JAKMIP3: variants seen among roughly 807,000 people sequenced by gnomAD.
The protein encoded by JAKMIP3 is Janus kinase and microtubule interacting protein 3.
JAKMIP3 carries 58 observed loss-of-function variants against 118.5 expected under a neutral mutation model. The observed-to-expected ratio is 0.49, with a 90% CI of 0.40 to 0.61. The LOEUF is 0.61. Ranked by LOEUF, JAKMIP3 falls within the 20% of genes least tolerant of loss-of-function variation. JAKMIP3 has a pLI of 0.00. For missense variants in JAKMIP3, 950 were observed against 1,109.0 expected (o/e 0.86, Z 2.04); for synonymous variants, 486 against 451.2 (o/e 1.08, Z -0.98).
At chr10:132,050,747 G>A (rs2038075444) in intron 1 of JAKMIP3, among the ~76,000 whole-genome samples, 1 of 152,210 alleles carries the variant, frequency 6.6e-6, no homozygotes, top group African/African-American at 2.4e-5. Flanking sequence ...GAACCACTGG[G>A]TTGTAAGGTA....
chr10:132,057,603 G>T (rs1025708947), intron 1 of JAKMIP3, among the ~76,000 whole-genome samples: 3 of 152,236 alleles, frequency 2.0e-5, no homozygotes, highest in Non-Finnish European at 4.4e-5. Context: ...CGAGGCTGGC[G>T]ATTCCTGTCG....
intron 1 of JAKMIP3, among the ~76,000 whole-genome samples, chr10:132,089,346 A>G (rs569292419): frequency 1.1e-3 from 168 of 152,258 alleles, no homozygotes; most frequent in Non-Finnish European, 1.9e-3. Flanking sequence ...ATGAGCATGG[A>G]ATGTTTTTCC....
At chr10:132,097,926 T>TTTTC (rs1296673121) in intron 1 of JAKMIP3, among the ~76,000 whole-genome samples, 1,322 of 20,794 alleles carry the variant, frequency 0.064, 309 homozygotes, top group East Asian at 0.16. Context: ...TCCCCTTTCC[T>TTTTC]TCCCCTTCCC....
intron 1 of JAKMIP3, among the ~76,000 whole-genome samples, chr10:132,067,310 G>A (rs938951322): frequency 3.3e-5 from 5 of 152,076 alleles, no homozygotes; most frequent in African/African-American, 7.2e-5. Context: ...TGCTATTCCC[G>A]AGGTTTCCCT....
intron 1 of JAKMIP3, among the ~76,000 whole-genome samples, chr10:132,046,369 T>C (rs969636292): frequency 3.3e-5 from 5 of 151,696 alleles, no homozygotes; most frequent in Admixed American, 6.6e-5. Context: ...GGCAGCAGAA[T>C]GGCATGAACT....
At chr10:132,167,802 TCCTCACCCCTCACC>T (rs142409814) in intron 22 of JAKMIP3, among the ~76,000 whole-genome samples, 137 bp from the exon 23 acceptor site, 9 of 148,348 alleles carry the variant, frequency 6.1e-5, no homozygotes, top group Admixed American at 1.3e-4. Flanking sequence ...AGCCCTTCGG[TCCTCACCCCTCACC>T]CCTCGGCCCT....
At chr10:132,036,981 C>G (rs1169746277) in intron 1 of JAKMIP3, among the ~76,000 whole-genome samples, 1 of 152,136 alleles carries the variant, frequency 6.6e-6, no homozygotes, top group Non-Finnish European at 1.5e-5. Flanking sequence ...GGCCTCGGCG[C>G]TGGCGTGACG....
At chr10:132,039,604 A>G (rs1335502266) in intron 1 of JAKMIP3, among the ~76,000 whole-genome samples, 2 of 152,146 alleles carry the variant, frequency 1.3e-5, no homozygotes, top group Non-Finnish European at 2.9e-5. Flanking sequence ...GAGGTCTCTT[A>G]GTACAGCAGC....
At chr10:132,077,192 A>T (rs57033008) in intron 1 of JAKMIP3, among the ~76,000 whole-genome samples, 17,792 of 151,912 alleles carry the variant, frequency 0.12, 1,140 homozygotes, top group Middle Eastern at 0.19. Context: ...GAAGGGGTAG[A>T]TCCAGGAAGA....
In JAKMIP3 at chr10:132,180,638, C is replaced by G. The variant is rs868134654; in HGVS notation, c.*1104-1719C>G. On this transcript the variant is annotated intron_variant, in intron 23 of 23. Coordinates refer to ENST00000684848, the MANE Select transcript of JAKMIP3 (RefSeq NM_001323087.2). ...GTGCGTGTGTGTGCGTGTGTGCGTG[C>G]GTGTGTGCGTGTGCGTGTGCGTGTG... Among the ~76,000 whole-genome samples the G allele has an allele frequency of 2.2e-3, 21 of 9,372 alleles. 2 individuals carry two copies. In the East Asian group the frequency reaches 0.11, roughly 47 times the overall value. 6.1% of individuals were successfully genotyped at this position (9,372 alleles called of 152,430 possible). A position where few individuals can be genotyped will look rare whatever the true frequency, so the allele number is the denominator to read the frequency against.
chr10:132,147,045 C>T (rs114149525), intron 13 of JAKMIP3, among the ~76,000 whole-genome samples: 5 of 152,216 alleles, frequency 3.3e-5, no homozygotes, highest in Non-Finnish European at 5.9e-5. Context: ...TGCTTGTGCA[C>T]GTACACACAT....
At chr10:132,064,382 TC>T (rs1411954796), upstream of JAKMIP3, among the ~76,000 whole-genome samples, 2 of 152,056 alleles carry the variant, frequency 1.3e-5, no homozygotes, top group African/African-American at 4.8e-5. This position sits in a 1 kb window ranked among gnomAD's most constrained non-coding sequence, Gnocchi z 4.4. Context: ...AGGAAGGTTG[TC>T]CCCGTGGCCT....
Position 132,147,935 on chromosome 10 carries a change from C to T in JAKMIP3, c.1750-17C>T, listed in dbSNP as rs1172214726. On this transcript the variant is annotated splice_polypyrimidine_tract_variant and intron_variant, in intron 13 of 23. Transcript: ENST00000684848. ...AGAGAACCAGACCCCTCACCTCATG[C>T]ATCTTTTATGTTGCAGATCAAACAA... 2 of 1,562,070 alleles carry T rather than the reference C, an allele frequency of 1.3e-6. No homozygotes were observed. The highest frequency in any genetic ancestry group is 1.8e-5 in the Admixed American group (1 of 55,616).
chr10:132,049,039 A>C lies in JAKMIP3; in HGVS notation c.-138+12301A>C, dbSNP rs78928884. On this transcript the variant is annotated intron_variant, in intron 1 of 23. Transcript: ENST00000657785. The surrounding 1 kb of genome is among the most constrained non-coding windows in gnomAD (Gnocchi z 4.3). ...CCACATTGTTTCTTTACTTCTCTGCATGTCCTGAAAGCCTGCTGCTGGTCC... is the reference window on the plus strand; with the variant it reads ...CCACATTGTTTCTTTACTTCTCTGCCTGTCCTGAAAGCCTGCTGCTGGTCC... Among the ~76,000 whole-genome samples, 23 of 151,316 alleles carry C rather than the reference A, an allele frequency of 1.5e-4. No individual in the cohort carries two copies. In the South Asian group the frequency reaches 4.8e-3, roughly 32 times the overall value.
At chr10:132,146,978 A>G (rs1171680089) in intron 13 of JAKMIP3, among the ~76,000 whole-genome samples, 1 of 152,232 alleles carries the variant, frequency 6.6e-6, no homozygotes, top group Non-Finnish European at 1.5e-5. Context: ...ACACACGTAA[A>G]TGCTGGCATG....
chr10:132,167,840 T>A, intron 22 of JAKMIP3, 113 bp from the exon 23 acceptor site: 2 of 639,248 alleles, frequency 3.1e-6, no homozygotes, highest in Middle Eastern at 4.1e-4. Flanking sequence ...CCCTCGGCCC[T>A]CGCCCCTCGC....
At chr10:132,114,856 A>T (rs116340188) in intron 2 of JAKMIP3, among the ~76,000 whole-genome samples, 3,119 of 152,264 alleles carry the variant, frequency 0.02, 94 homozygotes, top group African/African-American at 0.07. Flanking sequence ...TTTTTTTGAT[A>T]CCATTATAAA....
At chr10:132,069,756 A>AT (rs2039525149) in intron 1 of JAKMIP3, among the ~76,000 whole-genome samples, 1 of 152,218 alleles carries the variant, frequency 6.6e-6, no homozygotes, top group Admixed American at 6.5e-5. Context: ...TTCCAGTGAC[A>AT]TTTAGCAAAA....
At chr10:132,173,193 T>C (rs1301833333) in intron 23 of JAKMIP3, among the ~76,000 whole-genome samples, 2 of 45,216 alleles carry the variant, frequency 4.4e-5, no homozygotes, top group Non-Finnish European at 8.7e-5. Flanking sequence ...TCTCTCTCTC[T>C]CTCTCCCCCC....
Sources: allele counts gnomAD v4.1 joint callset (sites outside exome capture counted in the v4.1 genomes callset), GRCh38; gene constraint gnomAD v4.1.1; non-coding constraint Gnocchi (gnomAD v3.1); transcripts MANE v1.5; gene names NCBI Gene and HGNC (gene_info 2026-07-23, HGNC 2026-07-21).